The following TCF7L1 variants were observed in gnomAD, a reference collection of about 807,000 sequenced individuals.
TCF7L1 encodes transcription factor 7-like 1.
TCF7L1 carries 18 observed loss-of-function variants against 63.7 expected under a neutral mutation model. The observed-to-expected ratio is 0.28, with a 90% CI of 0.20 to 0.42. The LOEUF is 0.42. Among genes scored for constraint, TCF7L1 ranks in the 10% least tolerant of loss-of-function variants. TCF7L1 has a pLI of 1.00. For missense variants in TCF7L1, 654 were observed against 779.3 expected (o/e 0.84, Z 1.91); for synonymous variants, 355 against 340.9 (o/e 1.04, Z -0.46).
chr2:85,307,999 G>A (rs1169045970), intron 11 of TCF7L1, among the ~76,000 whole-genome samples: 1 of 152,140 alleles, frequency 6.6e-6, no homozygotes, highest in Non-Finnish European at 1.5e-5. Flanking sequence ...CATCCTACCT[G>A]AGGGTTAATG....
intron 3 of TCF7L1, among the ~76,000 whole-genome samples, chr2:85,251,155 G>A (rs766668304): frequency 2.0e-5 from 3 of 152,114 alleles, no homozygotes; most frequent in Non-Finnish European, 4.4e-5. Flanking sequence ...TGTTTACTTG[G>A]GTTTTGTTTT....
chr2:85,155,682 A>C, intron 3 of TCF7L1, among the ~76,000 whole-genome samples: 1 of 152,216 alleles, frequency 6.6e-6, no homozygotes. Context: ...GGAACTGTTA[A>C]CTAATTTAAA....
At position 85,160,591 on chromosome 2, in the gene TCF7L1, C is replaced by T. The variant is rs148947688; in HGVS notation, c.441+26141C>T. ...AGCAGGCTGGGTGCAGTGGCTCACA[C>T]CTGTAATCCTAGCACTTTCGGAGGC... On this transcript the variant is annotated intron_variant, in intron 3 of 11. Coordinates refer to ENST00000282111, the MANE Select transcript of TCF7L1 (RefSeq NM_031283.3). Among the ~76,000 whole-genome samples the T allele has an allele frequency of 2.2e-4, 33 of 152,250 alleles. 1 individual carries two copies. The East Asian group carries it at 5.6e-3, about 26-fold the overall frequency.
chr2:85,168,928 G>A (rs976437654), intron 3 of TCF7L1, among the ~76,000 whole-genome samples: 2 of 152,110 alleles, frequency 1.3e-5, no homozygotes, highest in African/African-American at 4.8e-5. Flanking sequence ...GTCTAAATAT[G>A]ATTTTTGAAA....
At chr2:85,258,863 CAG>C (rs1680785905) in intron 3 of TCF7L1, among the ~76,000 whole-genome samples, 1 of 152,190 alleles carries the variant, frequency 6.6e-6, no homozygotes, top group African/African-American at 2.4e-5. Context: ...TTTAGGAAAA[CAG>C]TGTCGTAGGT....
In TCF7L1 at chr2:85,306,315, G is replaced by A; in HGVS notation, c.1099G>A (p.Glu367Lys). Residue 367 changes from glutamate to lysine, a missense_variant, in exon 9 of 12, where the codon GAG (glutamate) becomes AAG (lysine). Physicochemically the swap from Glu to Lys is moderately conservative, Grantham distance 56. Around this residue, in one of 3 missense-constraint regions of TCF7L1, gnomAD observed 66 missense variants for 120.5 expected, o/e 0.55. Transcript: ENST00000282111. This position sits in a 1 kb window ranked among gnomAD's most constrained non-coding sequence, Gnocchi z 4.3. ...MKEMRAKVVA[E>K]CTLKESAAIN... Reference sequence around the variant, plus strand: ...GGAGATGAGGGCCAAGGTGGTGGCTGAGTGCACCCTGAAGGAAAGTGCAGC... The same window carrying A: ...GGAGATGAGGGCCAAGGTGGTGGCTAAGTGCACCCTGAAGGAAAGTGCAGC... The A allele has an allele frequency of 1.2e-6, 2 of 1,614,222 alleles. No individual in the cohort carries two copies. The highest frequency in any genetic ancestry group is 1.6e-4 in the Middle Eastern group (1 of 6,062).
intron 3 of TCF7L1, among the ~76,000 whole-genome samples, chr2:85,156,523 G>A (rs1231580248): frequency 1.3e-5 from 2 of 152,184 alleles, no homozygotes; most frequent in African/African-American, 2.4e-5. Flanking sequence ...GGGCCAGTGC[G>A]TTTATGCACT....
At chr2:85,248,544 C>T (rs1680520863) in intron 3 of TCF7L1, among the ~76,000 whole-genome samples, 1 of 152,200 alleles carries the variant, frequency 6.6e-6, no homozygotes, top group African/African-American at 2.4e-5. Context: ...CCCACTTATA[C>T]ACACTTACAT....
intron 3 of TCF7L1, among the ~76,000 whole-genome samples, chr2:85,189,959 A>G (rs868590880): frequency 6.6e-5 from 10 of 152,300 alleles, no homozygotes; most frequent in Middle Eastern, 6.8e-3. Flanking sequence ...AGCCTCTGGA[A>G]GGGAGGGGTG....
At chr2:85,202,223 C>A (rs1679288159) in intron 3 of TCF7L1, among the ~76,000 whole-genome samples, 1 of 152,128 alleles carries the variant, frequency 6.6e-6, no homozygotes, top group Non-Finnish European at 1.5e-5. Context: ...TTGGACCCCC[C>A]AAAGTGCTGG....
chr2:85,309,077 C>T lies in TCF7L1; in HGVS notation c.1382C>T (p.Pro461Leu), dbSNP rs945368562. The T allele has an allele frequency of 6.2e-6, 10 of 1,612,992 alleles. No individual in the cohort carries two copies. Among genetic ancestry groups the T allele is most frequent in the South Asian group, 1.1e-5 (1 of 91,034 alleles). Residue 461 changes from proline (P) to leucine (L), a missense_variant, in exon 12 of 12, where the codon CCC becomes CTC. Around this residue, in one of 3 missense-constraint regions of TCF7L1, gnomAD observed 184 missense variants for 204.0 expected, o/e 0.90. Coordinates refer to ENST00000282111, the MANE Select transcript of TCF7L1 (RefSeq NM_031283.3). ...SKKPCVQYLPPEKPCDSPASS... is the reference protein window; with the variant it reads ...SKKPCVQYLPLEKPCDSPASS... ...AAGCCATGTGTTCAGTACCTGCCCC[C>T]CGAGAAGCCCTGTGACAGCCCTGCC... is the stretch of plus-strand genomic sequence containing the variant.
At chr2:85,162,437 A>G (rs748338910) in intron 3 of TCF7L1, among the ~76,000 whole-genome samples, 11 of 152,146 alleles carry the variant, frequency 7.2e-5, no homozygotes, top group Non-Finnish European at 1.6e-4. Flanking sequence ...CTGGAAGGTC[A>G]GGCACTACTT....
In TCF7L1 at chr2:85,306,988, T is replaced by C. The variant is rs964912999; in HGVS notation, c.1257+429T>C. Among the ~76,000 whole-genome samples the C allele has an allele frequency of 2.6e-5, 4 of 152,200 alleles. No homozygotes were observed. Among genetic ancestry groups the C allele is most frequent in the African/African-American group, 7.2e-5 (3 of 41,450 alleles). On this transcript the variant is annotated intron_variant, in intron 10 of 11. Transcript: ENST00000282111. This position sits in a 1 kb window ranked among gnomAD's most constrained non-coding sequence, Gnocchi z 4.3. ...CAGCGACTGCATTTATAGAGGACTC[T>C]TAAGATCAGGGAGAAGCCCATACTT...
At chr2:85,302,132 A>C (rs548527512) in intron 4 of TCF7L1, among the ~76,000 whole-genome samples, 42 of 151,556 alleles carry the variant, frequency 2.8e-4, no homozygotes, top group African/African-American at 1.0e-3. Context: ...CATCTCAAAA[A>C]ACAAAACAAA....
At position 85,283,547 on chromosome 2, in the gene TCF7L1, A is replaced by G. The variant is rs148639950; in HGVS notation, c.494A>G (p.Lys165Arg). The change falls in exon 4 of 12, where the codon AAG becomes AGG. Residue 165 changes from lysine (K) to arginine (R), a missense_variant. Lys to Arg is a conservative substitution (Grantham distance 26, BLOSUM62 2). This residue lies in a region of TCF7L1 where 404 missense variants were observed against 454.8 expected (regional missense o/e 0.89). Coordinates refer to ENST00000282111, the MANE Select transcript of TCF7L1 (RefSeq NM_031283.3). The part of the protein sequence containing the change: ...LLDVPSSATV[K>R]DTRSPSPAHL... ...GATGTCCCCTCCAGCGCCACAGTCA[A>G]GGACACGAGGTCACCATCTCCAGCA... The G allele has an allele frequency of 1.2e-6, 2 of 1,614,060 alleles. No homozygotes were observed. The highest frequency in any genetic ancestry group is 1.7e-6 in the Non-Finnish European group (2 of 1,180,034).
At chr2:85,138,002 T>G (rs1435506891) in intron 3 of TCF7L1, among the ~76,000 whole-genome samples, 1 of 152,060 alleles carries the variant, frequency 6.6e-6, no homozygotes, top group African/African-American at 2.4e-5. Context: ...TTGAATGTGG[T>G]TCAGCAAGCC....
chr2:85,272,469 CA>C (rs1395609434), intron 3 of TCF7L1, among the ~76,000 whole-genome samples: 1 of 152,102 alleles, frequency 6.6e-6, no homozygotes, highest in Non-Finnish European at 1.5e-5. Context: ...TCTCACTGAA[CA>C]GTTTGTCCAG....
intron 3 of TCF7L1, among the ~76,000 whole-genome samples, chr2:85,170,634 C>G (rs867562928): frequency 8.5e-5 from 13 of 152,218 alleles, no homozygotes; most frequent in Non-Finnish European, 7.3e-5. Flanking sequence ...CTCTCGCTCT[C>G]TCTCTTTCTG....
intron 3 of TCF7L1, chr2:85,187,377 T>C (rs910428522): frequency 1.3e-5 from 2 of 152,222 alleles, no homozygotes; most frequent in Non-Finnish European, 2.9e-5. Flanking sequence ...AAGAGACTCT[T>C]CCTGGTGTAC....
Sources: gnomAD v4.1 joint callset for allele counts (sites outside exome capture counted in the v4.1 genomes callset) on GRCh38, gnomAD v4.1.1 for gene constraint, gnomAD v4.1.1 regional missense constraint, Gnocchi (gnomAD v3.1) non-coding constraint, MANE v1.5 for transcripts, NCBI Gene and HGNC (gene_info 2026-07-23, HGNC 2026-07-21) for gene names.